The following UBASH3A variants were observed in gnomAD, a reference collection of about 807,000 sequenced individuals.
UBASH3A encodes ubiquitin associated and SH3 domain containing A.
A neutral mutation model predicts 73.5 loss-of-function variants in UBASH3A; 63 were observed. The ratio of observed to expected loss-of-function variants is 0.86; its 90% CI spans 0.70 to 1.06. The LOEUF (loss-of-function observed/expected upper bound fraction) is 1.06. UBASH3A is among the 50% of genes least tolerant of loss of function. The probability of loss-of-function intolerance (pLI) is 0.00; values close to 1 mark genes in which losing one functional copy is unlikely to be tolerated. For missense variants in UBASH3A, 860 were observed against 859.0 expected, an observed-to-expected ratio of 1.00 and a Z score of -0.02; for synonymous variants, 363 against 351.1, an observed-to-expected ratio of 1.03 and a Z score of -0.38.
chr21:42,413,499 G>A lies in UBASH3A; in HGVS notation c.643G>A (p.Val215Met), dbSNP rs148588211. Residue 215 changes from valine (V) to methionine (M), a missense_variant, in exon 5 of 15, where the codon GTG (valine) becomes ATG (methionine). Coordinates refer to ENST00000319294, the MANE Select transcript of UBASH3A (RefSeq NM_018961.4). This position sits in a 1 kb window ranked among gnomAD's most constrained non-coding sequence, Gnocchi z 4.5. ...RLSNLTRASF[V>M]SHYILQKYCS... ...GAGCAATTTAACTAGAGCCTCCTTCGTGAGCCACTACATCCTTCAAAAATG... is the reference window on the plus strand; with the variant it reads ...GAGCAATTTAACTAGAGCCTCCTTCATGAGCCACTACATCCTTCAAAAATG... The A allele has an allele frequency of 1.4e-4, 224 of 1,613,858 alleles. No individual in the cohort carries two copies. Among genetic ancestry groups the A allele is most frequent in the African/African-American group, 1.1e-3 (83 of 75,028 alleles).
chr21:42,418,547 G>T lies in UBASH3A; in HGVS notation c.984G>T (p.Arg328=). 1 of 1,614,200 alleles carries T rather than the reference G, an allele frequency of 6.2e-7. No individual in the cohort carries two copies. Among genetic ancestry groups the T allele is most frequent in the African/African-American group, 1.3e-5 (1 of 75,054 alleles). The change falls in exon 7 of 15, where the codon CGG becomes CGT. Residue 328 remains arginine (R), a synonymous_variant. Transcript: ENST00000319294. ...GGATCTCACAGCGGACGGGCTGCCG[G>T]GGCTTCCTGCCGGAAAACTACACGG... ...VIGISQRTGC[R]GFLPENYTDR...
Position 42,406,356 on chromosome 21 carries a change from G to A in UBASH3A, c.162G>A (p.Leu54=), listed in dbSNP as rs1168214485. 1 of 1,613,782 alleles carries A rather than the reference G, an allele frequency of 6.2e-7. No homozygotes were observed. Among genetic ancestry groups the A allele is most frequent in the South Asian group, 1.1e-5 (1 of 91,082 alleles). ...GGAGGAAGACGGCGGAGGAGGCCTT[G>A]GCCTGGTGAGTGCAGCTGCTTCTGT... The part of the protein sequence containing the change: ...ATGRKTAEEA[L]AWLHDHCNDP... Residue 54 remains leucine (L), a synonymous_variant, in exon 2 of 15, where the codon TTG becomes TTA. Coordinates refer to ENST00000319294, the MANE Select transcript of UBASH3A (RefSeq NM_018961.4).
At chr21:42,429,850 G>T (rs963587248) in intron 8 of UBASH3A, among the ~76,000 whole-genome samples, 1 of 151,956 alleles carries the variant, frequency 6.6e-6, no homozygotes, top group African/African-American at 2.4e-5. Context: ...CCGTATATCC[G>T]TTTTGAAGAC....
At chr21:42,415,433 G>A (rs35135874) in intron 5 of UBASH3A, among the ~76,000 whole-genome samples, 24,593 of 152,172 alleles carry the variant, frequency 0.16, 3,135 homozygotes, top group African/African-American at 0.34. Flanking sequence ...CTTCCCATTT[G>A]CCTCTAAAGG....
At chr21:42,433,061 C>G (rs1395120207) in intron 9 of UBASH3A, among the ~76,000 whole-genome samples, 1 of 151,918 alleles carries the variant, frequency 6.6e-6, no homozygotes, top group Non-Finnish European at 1.5e-5. Flanking sequence ...AGAACCAATA[C>G]AAAACAATCA....
rs1213353350 is a variant in UBASH3A at position 42,434,855 on chromosome 21, A to G, written c.1294A>G (p.Asn432Asp). 6.2e-7 allele frequency: 1 copy of G among 1,614,032 alleles called. No individual in the cohort carries two copies. The highest frequency in any genetic ancestry group is 1.3e-5 in the African/African-American group (1 of 74,920). The stretch of plus-strand genomic sequence containing the variant: ...AGGGAAATACTACAGGCCAGACCTG[A>G]ATTTCCCCTGCAGTCTGCCAAGACG... ...PDGKYYRPDL[N>D]FPCSLPRRSR... The change falls in exon 10 of 15, where the codon AAT becomes GAT. Residue 432 changes from asparagine to aspartate, a missense_variant. Coordinates refer to ENST00000319294, the MANE Select transcript of UBASH3A (RefSeq NM_018961.4).
In UBASH3A at chr21:42,409,700, TA is replaced by T. The variant is rs1189473154; in HGVS notation, c.354+95del. 8 of 1,176,668 alleles carry T rather than the reference TA, an allele frequency of 6.8e-6. No individual in the cohort carries two copies. In the East Asian group the frequency reaches 1.9e-4, roughly 28 times the overall value. 72.9% of individuals were successfully genotyped at this position (1,176,668 alleles called of 1,614,324 possible). ...CATGATGGGACAAAGTTGACTTATT[TA>T]AATGGGATAGTCCAGAACTGCATCA... On this transcript the variant is annotated intron_variant, in intron 3 of 14. Coordinates refer to ENST00000319294, the MANE Select transcript of UBASH3A (RefSeq NM_018961.4).
chr21:42,439,045 C>T (rs990377099), intron 11 of UBASH3A, among the ~76,000 whole-genome samples: 8 of 152,088 alleles, frequency 5.3e-5, no homozygotes, highest in African/African-American at 1.7e-4. Flanking sequence ...TTCCCATGTC[C>T]TCAGATCCCC....
rs1568913260 is a variant in UBASH3A, at chr21:42,413,493, T to G, written c.637T>G (p.Ser213Ala). Reference protein sequence around the residue: ...NLRLSNLTRASFVSHYILQKY... With the variant: ...NLRLSNLTRAAFVSHYILQKY... ...GAGGCTGAGCAATTTAACTAGAGCC[T>G]CCTTCGTGAGCCACTACATCCTTCA... The change falls in exon 5 of 15, where the codon TCC (serine) becomes GCC (alanine). Residue 213 changes from serine (S) to alanine (A), a missense_variant. By Grantham distance (99) the Ser-to-Ala change is moderately conservative (BLOSUM62 1). Coordinates refer to ENST00000319294, the MANE Select transcript of UBASH3A (RefSeq NM_018961.4). This position sits in a 1 kb window ranked among gnomAD's most constrained non-coding sequence, Gnocchi z 4.5. The G allele has an allele frequency of 6.2e-7, 1 of 1,614,026 alleles. No homozygotes were observed. The highest frequency in any genetic ancestry group is 1.1e-5 in the South Asian group (1 of 91,068).
At chr21:42,411,120 C>T (rs1227284402) in intron 3 of UBASH3A, among the ~76,000 whole-genome samples, 1 of 150,788 alleles carries the variant, frequency 6.6e-6, no homozygotes, top group Non-Finnish European at 1.5e-5. Context: ...CACAGATAGA[C>T]ACAGAGACGT....
In UBASH3A at chr21:42,416,858, G is replaced by T. The variant is rs3746929; in HGVS notation, c.837+247G>T. Among the ~76,000 whole-genome samples, 1,485 of 152,182 alleles carry T rather than the reference G, an allele frequency of 9.8e-3. 43 individuals are homozygous for T. The highest frequency in any genetic ancestry group is 0.064 in the East Asian group (329 of 5,164). On this transcript the variant is annotated intron_variant, in intron 6 of 14. Coordinates refer to ENST00000319294, the MANE Select transcript of UBASH3A (RefSeq NM_018961.4). ...TGAGGCAGGAGAATGGAGTGAACCC[G>T]GGAGGCGGAGCTTGCAGCGAGTGGA...
intron 9 of UBASH3A, among the ~76,000 whole-genome samples, chr21:42,432,764 A>G (rs1251423337): frequency 1.3e-5 from 2 of 152,336 alleles, no homozygotes; most frequent in East Asian, 3.9e-4. Context: ...GTGGTAAATG[A>G]GTAGGGAAAA....
At chr21:42,410,810 ACACACACATAGCT>A (rs1481138350) in intron 3 of UBASH3A, among the ~76,000 whole-genome samples, 2 of 152,140 alleles carry the variant, frequency 1.3e-5, no homozygotes, top group Admixed American at 6.5e-5. Flanking sequence ...AGACACAGAG[ACACACACATAGCT>A]CACACACATA....
Position 42,425,153 on chromosome 21 carries a change from T to G in UBASH3A, c.1047-1544T>G, listed in dbSNP as rs547878218. On this transcript the variant is annotated intron_variant, in intron 7 of 14. Coordinates refer to ENST00000319294, the MANE Select transcript of UBASH3A (RefSeq NM_018961.4). ...ATGTCCTTTTAAGAACCAGGGAGAATTCAAACACATCTGTTTCATGGTGTA... is the reference window on the plus strand; with the variant it reads ...ATGTCCTTTTAAGAACCAGGGAGAAGTCAAACACATCTGTTTCATGGTGTA... Among the ~76,000 whole-genome samples, 3 of 152,340 alleles carry G rather than the reference T, an allele frequency of 2.0e-5. No homozygotes were observed. The South Asian group carries it at 6.2e-4, about 32-fold the overall frequency.
intron 8 of UBASH3A, among the ~76,000 whole-genome samples, chr21:42,429,734 A>G (rs57733067): frequency 1.3e-3 from 196 of 152,304 alleles, no homozygotes; most frequent in Middle Eastern, 6.8e-3. Flanking sequence ...AGACAGCAAG[A>G]CAAACCTTCC....
At chr21:42,429,834 G>A (rs1601588629) in intron 8 of UBASH3A, among the ~76,000 whole-genome samples, 1 of 152,020 alleles carries the variant, frequency 6.6e-6, no homozygotes, top group South Asian at 2.1e-4. Flanking sequence ...TATTCACTTG[G>A]CCTTACCGTA....
At chr21:42,431,789 A>G (rs1353311564) in intron 8 of UBASH3A, among the ~76,000 whole-genome samples, 1 of 152,244 alleles carries the variant, frequency 6.6e-6, no homozygotes, top group Non-Finnish European at 1.5e-5. Flanking sequence ...AGACGTCTCT[A>G]TGGGAATGAT....
chr21:42,439,491 T>C (rs2053689977), intron 11 of UBASH3A, among the ~76,000 whole-genome samples: 1 of 152,182 alleles, frequency 6.6e-6, no homozygotes, highest in South Asian at 2.1e-4. Context: ...CAAAGAACAA[T>C]ATCAGCTTCT....
At chr21:42,437,092 T>C (rs1443498052) in intron 10 of UBASH3A, among the ~76,000 whole-genome samples, 1 of 152,260 alleles carries the variant, frequency 6.6e-6, no homozygotes, top group African/African-American at 2.4e-5. Flanking sequence ...CTCCCAGCCC[T>C]AGTAGAGGCT....
Sources: gnomAD v4.1 joint callset for allele counts (sites outside exome capture counted in the v4.1 genomes callset) on GRCh38, gnomAD v4.1.1 for gene constraint, Gnocchi (gnomAD v3.1) non-coding constraint, MANE v1.5 for transcripts, NCBI Gene and HGNC (gene_info 2026-07-23, HGNC 2026-07-21) for gene names.